Variants in MAP3K5 observed in about 807,000 individuals in gnomAD.
MAP3K5 encodes mitogen-activated protein kinase kinase kinase 5, also known as ASK-1.
In MAP3K5, 56 loss-of-function variants were observed where a neutral mutation model predicts 158.7. The ratio of observed to expected loss-of-function variants is 0.35; its 90% CI spans 0.28 to 0.44. MAP3K5 has a LOEUF of 0.44. Among genes scored for constraint, MAP3K5 ranks in the 20% least tolerant of loss-of-function variants. The probability of loss-of-function intolerance (pLI) is 1.00; values close to 1 mark genes in which losing one functional copy is unlikely to be tolerated. For missense variants in MAP3K5, 1,294 were observed against 1,674.8 expected (o/e 0.77, Z 3.97); for synonymous variants, 579 against 601.7 (o/e 0.96, Z 0.55).
chr6:136,626,760 A>G (rs1777055898), intron 14 of MAP3K5, among the ~76,000 whole-genome samples: 1 of 151,588 alleles, frequency 6.6e-6, no homozygotes, highest in Admixed American at 6.6e-5. Flanking sequence ...TTACACTACA[A>G]TGCTTTATAA....
chr6:136,712,243 A>G (rs1395466323), intron 2 of MAP3K5, among the ~76,000 whole-genome samples: 1 of 149,462 alleles, frequency 6.7e-6, no homozygotes, highest in African/African-American at 2.5e-5. Flanking sequence ...GTGCAGTGAC[A>G]TGATCTCAGC....
At chr6:136,716,082 T>G (rs1314987161) in intron 2 of MAP3K5, among the ~76,000 whole-genome samples, 2 of 127,130 alleles carry the variant, frequency 1.6e-5, no homozygotes, top group African/African-American at 5.7e-5. Context: ...GCTGAAGGTA[T>G]CTATTAATTC....
chr6:136,587,039 T>C (rs1775170416), intron 23 of MAP3K5, among the ~76,000 whole-genome samples: 1 of 152,218 alleles, frequency 6.6e-6, no homozygotes, highest in African/African-American at 2.4e-5. Flanking sequence ...TGTATTCCAT[T>C]AGTTCTGTCC....
Position 136,639,657 on chromosome 6 carries a change from A to G in MAP3K5, c.1839-19T>C. Reference sequence around the variant, plus strand: ...AGAAATACTGAAACCAACAAACAAAAAGGCATTATTCAGAGAACTATCAAT... The same window carrying G: ...AGAAATACTGAAACCAACAAACAAAGAGGCATTATTCAGAGAACTATCAAT... On this transcript the variant is annotated intron_variant, in intron 12 of 29. Transcript: ENST00000359015. The G allele has an allele frequency of 7.8e-7, 1 of 1,281,646 alleles. No individual in the cohort carries two copies. The highest frequency in any genetic ancestry group is 1.5e-5 in the African/African-American group (1 of 67,202). 79.4% of individuals were successfully genotyped at this position (1,281,646 alleles called of 1,614,324 possible).
intron 3 of MAP3K5, among the ~76,000 whole-genome samples, chr6:136,702,179 CT>C (rs938847797): frequency 2.3e-4 from 33 of 146,330 alleles, no homozygotes; most frequent in Middle Eastern, 3.4e-3. Flanking sequence ...CTAAGGCAAT[CT>C]TTTTTTTTTT....
chr6:136,593,672 A>C (rs1775494314), intron 21 of MAP3K5: 1 of 404,246 alleles, frequency 2.5e-6, no homozygotes, highest in Non-Finnish European at 4.8e-6. Context: ...TATCTGAATC[A>C]CAATAAAATA....
At chr6:136,642,649 T>A in intron 11 of MAP3K5, 80 bp from the exon 12 acceptor site, 2 of 962,658 alleles carry the variant, frequency 2.1e-6, no homozygotes, top group Non-Finnish European at 3.3e-6. Flanking sequence ...TAATTATTTT[T>A]AAAGTGATAT....
intron 1 of MAP3K5, among the ~76,000 whole-genome samples, chr6:136,738,459 G>C (rs1294480124): frequency 6.6e-6 from 1 of 152,076 alleles, no homozygotes; most frequent in African/African-American, 2.4e-5. Context: ...GCTAAAATGA[G>C]AGACAAACAA....
intron 10 of MAP3K5, among the ~76,000 whole-genome samples, chr6:136,652,299 A>G (rs1292663293): frequency 6.6e-6 from 1 of 152,188 alleles, no homozygotes; most frequent in Non-Finnish European, 1.5e-5. Context: ...TACTCTTTGA[A>G]TATTAAAAAC....
chr6:136,764,855 C>T (rs145721566), intron 1 of MAP3K5, among the ~76,000 whole-genome samples: 2 of 152,274 alleles, frequency 1.3e-5, no homozygotes, highest in Non-Finnish European at 2.9e-5. Context: ...AAACTCAAGG[C>T]ACACTTCCTG....
At chr6:136,747,422 G>A (rs1266248225) in intron 1 of MAP3K5, among the ~76,000 whole-genome samples, 1 of 152,120 alleles carries the variant, frequency 6.6e-6, no homozygotes. Flanking sequence ...AATGTACAGG[G>A]AGCCAATGCC....
At chr6:136,779,836 C>CG (rs1784544994) in intron 1 of MAP3K5, among the ~76,000 whole-genome samples, 1 of 152,180 alleles carries the variant, frequency 6.6e-6, no homozygotes, top group Non-Finnish European at 1.5e-5. Flanking sequence ...GGACTGACAT[C>CG]CTGTTGTCAA....
chr6:136,735,106 A>T (rs1782399713), intron 1 of MAP3K5, among the ~76,000 whole-genome samples: 1 of 152,220 alleles, frequency 6.6e-6, no homozygotes, highest in South Asian at 2.1e-4. Context: ...AGTTTAACTC[A>T]TGCTTGAGGT....
At chr6:136,558,120 T>C (rs1830332760) in intron 29 of MAP3K5, among the ~76,000 whole-genome samples, 1 of 152,260 alleles carries the variant, frequency 6.6e-6, no homozygotes, top group South Asian at 2.1e-4. Flanking sequence ...GGCGCATGCC[T>C]GTAATCCCAG....
intron 2 of MAP3K5, among the ~76,000 whole-genome samples, chr6:136,706,728 C>G (rs888825920): frequency 6.6e-6 from 1 of 152,048 alleles, no homozygotes; most frequent in African/African-American, 2.4e-5. Context: ...GAAGAACCAA[C>G]AAGGACTTTC....
At chr6:136,620,615 G>A (rs1776756685) in intron 15 of MAP3K5, among the ~76,000 whole-genome samples, 1 of 152,170 alleles carries the variant, frequency 6.6e-6, no homozygotes, top group African/African-American at 2.4e-5. Context: ...AGGGCAGCCA[G>A]AGTCAGCCCA....
rs1783511747 is a variant in MAP3K5, at chr6:136,756,823, C to T, written c.448+34887G>A. ...TTCTAGATTATCAGAGCATTGTCAG[C>T]ACTGAGGGGCTGATGGCCCGGTGCA... On this transcript the variant is annotated intron_variant, in intron 1 of 29. Transcript: ENST00000359015. 3.3e-5 allele frequency among the ~76,000 whole-genome samples: 5 copies of T among 152,182 alleles called. 1 individual carries two copies. The South Asian group carries it at 8.3e-4, about 25-fold the overall frequency.
At chr6:136,657,496 G>A (rs993217070) in intron 9 of MAP3K5, among the ~76,000 whole-genome samples, 9 of 152,144 alleles carry the variant, frequency 5.9e-5, no homozygotes, top group East Asian at 3.8e-4. Context: ...AATATCATGC[G>A]TGCATCTATT....
intron 1 of MAP3K5, among the ~76,000 whole-genome samples, chr6:136,732,038 C>T (rs889569067): frequency 2.0e-5 from 3 of 152,054 alleles, no homozygotes; most frequent in African/African-American, 7.2e-5. Context: ...TTAATGGAGG[C>T]GATCTCTGTA....
Sources: gnomAD v4.1 joint callset for allele counts (sites outside exome capture counted in the v4.1 genomes callset) on GRCh38, gnomAD v4.1.1 for gene constraint, MANE v1.5 for transcripts, NCBI Gene and HGNC (gene_info 2026-07-23, HGNC 2026-07-21) for gene names.